Variants in GRIA1 observed in about 807,000 individuals in gnomAD.
The protein encoded by GRIA1 is glutamate receptor 1.
GRIA1 carries 31 observed loss-of-function variants against 99.2 expected under a neutral mutation model. The observed-to-expected ratio is 0.31, with a 90% CI of 0.23 to 0.42. The LOEUF (loss-of-function observed/expected upper bound fraction) is 0.42, where lower values mean the gene tolerates loss of function less well. Among genes scored for constraint, GRIA1 ranks in the 10% least tolerant of loss-of-function variants. The pLI is 1.00. For synonymous variants in GRIA1, 438 were observed against 432.4 expected (o/e 1.01, Z -0.16); for missense variants, 782 against 1,157.5 (o/e 0.68, Z 4.71).
intron 2 of GRIA1, among the ~76,000 whole-genome samples, chr5:153,646,029 T>C (rs1346264847): frequency 6.6e-6 from 1 of 152,210 alleles, no homozygotes; most frequent in African/African-American, 2.4e-5. Context: ...TATCATATAG[T>C]AAAACAAAGT....
chr5:153,526,183 A>G (rs547711121), intron 2 of GRIA1, among the ~76,000 whole-genome samples: 15 of 152,304 alleles, frequency 9.8e-5, no homozygotes, highest in African/African-American at 3.4e-4. Flanking sequence ...GATCTATAAG[A>G]TGGCTCCTAA....
chr5:153,637,185 A>G (rs1753427682), intron 2 of GRIA1, among the ~76,000 whole-genome samples: 3 of 152,232 alleles, frequency 2.0e-5, no homozygotes, highest in African/African-American at 7.2e-5. Flanking sequence ...AAGTAGTACT[A>G]GCTTCTCAGA....
chr5:153,586,732 C>G (rs1469285719), intron 2 of GRIA1, among the ~76,000 whole-genome samples: 2 of 152,070 alleles, frequency 1.3e-5, no homozygotes, highest in African/African-American at 4.8e-5. Context: ...GCTTTTTCCA[C>G]CATGCCAAAG....
At chr5:153,610,862 T>C (rs554169315) in intron 2 of GRIA1, among the ~76,000 whole-genome samples, 1 of 152,250 alleles carries the variant, frequency 6.6e-6, no homozygotes, top group Non-Finnish European at 1.5e-5. Context: ...TTTAGTATTA[T>C]AATTGTATAG....
At chr5:153,764,350 GC>G in intron 11 of GRIA1, 83 bp from the exon 12 acceptor site, 1 of 1,010,276 alleles carries the variant, frequency 9.9e-7, no homozygotes, top group Non-Finnish European at 1.6e-6. Context: ...CTGCTGCCAA[GC>G]CCCGGACCCG....
intron 11 of GRIA1, among the ~76,000 whole-genome samples, chr5:153,737,104 A>G (rs995786626): frequency 5.9e-5 from 9 of 152,126 alleles, no homozygotes; most frequent in Admixed American, 4.6e-4. Context: ...TCAATCTTCA[A>G]TTGGGGTGGA....
intron 5 of GRIA1, among the ~76,000 whole-genome samples, chr5:153,662,780 C>T (rs560781420): frequency 6.6e-6 from 1 of 152,294 alleles, no homozygotes; most frequent in Admixed American, 6.5e-5. Flanking sequence ...ACTGCCTTTT[C>T]ACAATGTGCC....
chr5:153,638,872 A>T (rs1387986668), intron 2 of GRIA1, among the ~76,000 whole-genome samples: 1 of 152,230 alleles, frequency 6.6e-6, no homozygotes, highest in African/African-American at 2.4e-5. Flanking sequence ...GTCTTTATGA[A>T]GGAGATGGCA....
intron 11 of GRIA1, among the ~76,000 whole-genome samples, chr5:153,749,961 C>T (rs915819307): frequency 2.0e-5 from 3 of 152,164 alleles, no homozygotes; most frequent in Admixed American, 2.0e-4. Context: ...AACCTCCAGC[C>T]TTCCAACCCT....
chr5:153,618,530 A>G (rs904417512), intron 2 of GRIA1, among the ~76,000 whole-genome samples: 6 of 152,162 alleles, frequency 3.9e-5, no homozygotes, highest in Non-Finnish European at 8.8e-5. Flanking sequence ...TGCTGACAGA[A>G]AGAGGAGTGA....
At chr5:153,566,890 T>C (rs1761689392) in intron 2 of GRIA1, among the ~76,000 whole-genome samples, 2 of 151,184 alleles carry the variant, frequency 1.3e-5, no homozygotes, top group Admixed American at 6.6e-5. Flanking sequence ...CTAATTTTTG[T>C]ATTTTTGATA....
chr5:153,614,208 G>A (rs533933246), intron 2 of GRIA1, among the ~76,000 whole-genome samples: 6 of 152,156 alleles, frequency 3.9e-5, no homozygotes, highest in African/African-American at 1.4e-4. Context: ...TTGTAATTTT[G>A]TATTTACTTG....
intron 11 of GRIA1, among the ~76,000 whole-genome samples, chr5:153,737,901 C>T (rs1761498794): frequency 6.6e-6 from 1 of 152,136 alleles, no homozygotes. Context: ...AGGCATTTTT[C>T]ACTCTCCCAG....
At chr5:153,670,793 A>G (rs1756107677) in intron 5 of GRIA1, among the ~76,000 whole-genome samples, 1 of 152,214 alleles carries the variant, frequency 6.6e-6, no homozygotes, top group African/African-American at 2.4e-5. Flanking sequence ...GTGGGCAAAG[A>G]GTTAACACCT....
At chr5:153,531,031 C>A (rs908486230) in intron 2 of GRIA1, among the ~76,000 whole-genome samples, 4 of 152,098 alleles carry the variant, frequency 2.6e-5, no homozygotes, top group Non-Finnish European at 5.9e-5. Flanking sequence ...TGACAGAGAG[C>A]TGTTGGTCTG....
intron 12 of GRIA1, among the ~76,000 whole-genome samples, chr5:153,766,105 G>A (rs1763502616): frequency 6.6e-6 from 1 of 152,144 alleles, no homozygotes; most frequent in Non-Finnish European, 1.5e-5. Context: ...TGACAGACAG[G>A]AAAGGGAACA....
At chr5:153,772,669 A>G (rs185633578) in intron 13 of GRIA1, among the ~76,000 whole-genome samples, 1 of 152,198 alleles carries the variant, frequency 6.6e-6, no homozygotes, top group African/African-American at 2.4e-5. Flanking sequence ...TGCCTGGTTG[A>G]ATCTAAAAGA....
At chr5:153,520,937 A>T (rs1757079663) in intron 2 of GRIA1, among the ~76,000 whole-genome samples, 1 of 152,226 alleles carries the variant, frequency 6.6e-6, no homozygotes, top group African/African-American at 2.4e-5. Flanking sequence ...TAGATTATAA[A>T]AACAGAGGTT....
At chr5:153,535,854 C>A (rs538615809) in intron 2 of GRIA1, among the ~76,000 whole-genome samples, 1 of 152,312 alleles carries the variant, frequency 6.6e-6, no homozygotes, top group Non-Finnish European at 1.5e-5. Flanking sequence ...TGATCTGCCA[C>A]CAAGTTCTGG....
Sources: allele counts gnomAD v4.1 joint callset (sites outside exome capture counted in the v4.1 genomes callset), GRCh38; gene constraint gnomAD v4.1.1; transcripts MANE v1.5; gene names NCBI Gene and HGNC (gene_info 2026-07-23, HGNC 2026-07-21).